Variants in FAM184A observed in about 807,000 individuals in gnomAD.
FAM184A encodes the protein protein FAM184A.
A neutral mutation model predicts 143.8 loss-of-function variants in FAM184A; 99 were observed. The ratio of observed to expected loss-of-function variants is 0.69; its 90% confidence interval spans 0.58 to 0.81. The LOEUF (loss-of-function observed/expected upper bound fraction) is 0.81, where lower values mean the gene tolerates loss of function less well. Ranked by LOEUF, FAM184A falls within the 40% of genes least tolerant of loss-of-function variation. The pLI, the probability that FAM184A is intolerant of heterozygous loss-of-function variation, is 0.00. For synonymous variants in FAM184A, 427 were observed against 446.4 expected, an observed-to-expected ratio of 0.96 and a Z score of 0.55; for missense variants, 1,217 against 1,310.5, an observed-to-expected ratio of 0.93 and a Z score of 1.10.
rs61476918 is a variant in FAM184A, at chr6:118,991,751, C to CT, written c.2088+11147dup. Among the ~76,000 whole-genome samples, 379 of 42,378 alleles carry CT rather than the reference C, an allele frequency of 8.9e-3. 79 individuals carry two copies. The highest frequency in any genetic ancestry group is 0.035 in the African/African-American group (352 of 9,988). The allele number at this position is 42,378 out of a possible 152,430, so 27.8% of individuals were successfully genotyped here. ...ATTCAATGGGGTGCCCCTGAGAGGA[C>CT]TTTTTTTTTTTTTTTTTTTTTTTTT... On this transcript the variant is annotated intron_variant, in intron 9 of 17. Coordinates refer to ENST00000338891, the MANE Select transcript of FAM184A (RefSeq NM_024581.6).
chr6:119,026,079 C>T (rs896572301), intron 1 of FAM184A, among the ~76,000 whole-genome samples: 1 of 152,110 alleles, frequency 6.6e-6, no homozygotes, highest in Non-Finnish European at 1.5e-5. Context: ...TCACTTTCTC[C>T]ACATAGGGCT....
In FAM184A at chr6:119,014,684, A is replaced by G. The variant is rs530721529; in HGVS notation, c.1530+2063T>C. Among the ~76,000 whole-genome samples, 14 of 152,336 alleles carry G rather than the reference A, an allele frequency of 9.2e-5. No individual in the cohort carries two copies. The East Asian group carries it at 9.6e-4, about 10-fold the overall frequency. ...ATGTCTTAAATAAATTCAATAAGCT[A>G]TATCTCATTTCAAGAACTACCAGGT... is the stretch of plus-strand genomic sequence containing the variant. On this transcript the variant is annotated intron_variant, in intron 5 of 17. Transcript: ENST00000338891.
chr6:118,964,279 G>C lies in FAM184A; in HGVS notation c.3138+388C>G, dbSNP rs150995950. 6.3e-3 allele frequency among the ~76,000 whole-genome samples: 953 copies of C among 152,282 alleles called. 7 individuals carry two copies. Among genetic ancestry groups the C allele is most frequent in the African/African-American group, 0.021 (888 of 41,560 alleles). On this transcript the variant is annotated intron_variant, in intron 16 of 17. Coordinates refer to ENST00000338891, the MANE Select transcript of FAM184A (RefSeq NM_024581.6). ...ACATGTCCAACCCAAGGTCCATTAAGATGTTAGGCCTTAAACCAGGAACAG... is the reference window on the plus strand; with the variant it reads ...ACATGTCCAACCCAAGGTCCATTAACATGTTAGGCCTTAAACCAGGAACAG...
chr6:118,979,954 G>A (rs982635810), intron 10 of FAM184A, among the ~76,000 whole-genome samples, 184 bp downstream of exon 10: 2 of 152,126 alleles, frequency 1.3e-5, no homozygotes, highest in East Asian at 1.9e-4. Context: ...GGAGGCTGAG[G>A]TGGAAAAATC....
At chr6:118,976,457 G>A (rs1020067349) in intron 11 of FAM184A, among the ~76,000 whole-genome samples, 2 of 152,056 alleles carry the variant, frequency 1.3e-5, no homozygotes, top group Non-Finnish European at 2.9e-5. Context: ...GAGGTCAGGA[G>A]TTCGAGACCA....
chr6:119,080,484 AT>A (rs144697116), upstream of FAM184A, among the ~76,000 whole-genome samples: 2,706 of 152,304 alleles, frequency 0.018, 34 homozygotes, highest in South Asian at 0.045. Context: ...TGAATTTAAT[AT>A]TTTTCCCCAC....
chr6:119,136,255 G>C (rs908267320), intron 1 of FAM184A, among the ~76,000 whole-genome samples: 4 of 140,448 alleles, frequency 2.8e-5, no homozygotes, highest in African/African-American at 1.1e-4. Flanking sequence ...TCCGCAGTCC[G>C]GCCTGGGCGA....
At chr6:119,090,625 T>C (rs1439795621) in intron 1 of FAM184A, among the ~76,000 whole-genome samples, 1 of 152,246 alleles carries the variant, frequency 6.6e-6, no homozygotes, top group African/African-American at 2.4e-5. Context: ...AGCTAGCTTC[T>C]GATTGTTAAA....
intron 1 of FAM184A, among the ~76,000 whole-genome samples, chr6:119,048,268 A>G (rs1484098622): frequency 6.6e-6 from 1 of 152,216 alleles, no homozygotes; most frequent in Non-Finnish European, 1.5e-5. Flanking sequence ...CCCACAGCCA[A>G]CATCATACTG....
intron 1 of FAM184A, among the ~76,000 whole-genome samples, chr6:119,065,362 G>A (rs1787408292): frequency 2.0e-5 from 3 of 152,116 alleles, no homozygotes; most frequent in Admixed American, 2.0e-4. Context: ...CTATCGCCCT[G>A]GCCAGCAGCT....
chr6:118,973,049 A>G (rs147379245), intron 14 of FAM184A, among the ~76,000 whole-genome samples: 1 of 152,188 alleles, frequency 6.6e-6, no homozygotes, highest in Non-Finnish European at 1.5e-5. Flanking sequence ...TTCAAAGGCA[A>G]CTTCAAAAAG....
At chr6:119,058,932 A>G (rs1403352452) in intron 1 of FAM184A, among the ~76,000 whole-genome samples, 1 of 151,986 alleles carries the variant, frequency 6.6e-6, no homozygotes, top group Admixed American at 6.6e-5. Flanking sequence ...TTGTAACCAT[A>G]ATATAATGGT....
chr6:119,036,778 CAT>C (rs772588387), intron 1 of FAM184A, among the ~76,000 whole-genome samples: 6 of 152,118 alleles, frequency 3.9e-5, no homozygotes, highest in Non-Finnish European at 7.4e-5. Context: ...CAAAATAAAA[CAT>C]ATTTTTATTT....
chr6:118,998,583 AG>A (rs1213384365), intron 9 of FAM184A, among the ~76,000 whole-genome samples: 1 of 152,260 alleles, frequency 6.6e-6, no homozygotes, highest in Non-Finnish European at 1.5e-5. Flanking sequence ...AAGTAAGTAA[AG>A]AAAGCTCTTT....
chr6:119,085,960 G>A (rs1308313194), intron 1 of FAM184A, among the ~76,000 whole-genome samples: 2 of 151,994 alleles, frequency 1.3e-5, no homozygotes, highest in African/African-American at 2.4e-5. Context: ...AGCACCAAGG[G>A]GATGGTGCTA....
In FAM184A at chr6:118,974,581, G is replaced by T. The variant is rs770690993; in HGVS notation, c.2769-7C>A. ...TAAATCTTGTTCATGCAACCTGTTTGATTTATTTTTAGTTAAGAAAATGTT... is the reference window on the plus strand; with the variant it reads ...TAAATCTTGTTCATGCAACCTGTTTTATTTATTTTTAGTTAAGAAAATGTT... On this transcript the variant is annotated splice_region_variant and splice_polypyrimidine_tract_variant and intron_variant, in intron 13 of 17. Transcript: ENST00000338891. 3 of 1,581,206 alleles carry T rather than the reference G, an allele frequency of 1.9e-6. No individual in the cohort carries two copies. Among genetic ancestry groups the T allele is most frequent in the South Asian group, 1.2e-5 (1 of 83,406 alleles).
intron 1 of FAM184A, among the ~76,000 whole-genome samples, chr6:119,045,414 G>A (rs966161222): frequency 2.0e-5 from 3 of 151,298 alleles, no homozygotes; most frequent in African/African-American, 7.3e-5. Flanking sequence ...TACCCGATGT[G>A]CAGATGACAT....
chr6:119,019,774 G>C (rs1016151999), intron 4 of FAM184A, among the ~76,000 whole-genome samples: 1 of 152,140 alleles, frequency 6.6e-6, no homozygotes, highest in African/African-American at 2.4e-5. Context: ...TATATAGATT[G>C]TTACCCACAT....
chr6:119,136,704 A>G (rs1218014216), intron 1 of FAM184A, among the ~76,000 whole-genome samples: 1 of 152,266 alleles, frequency 6.6e-6, no homozygotes, highest in East Asian at 1.9e-4. Flanking sequence ...CTATCATGAA[A>G]ATAAACTCGC....
Sources: allele counts gnomAD v4.1 joint callset (sites outside exome capture counted in the v4.1 genomes callset), GRCh38; gene constraint gnomAD v4.1.1; transcripts MANE v1.5; gene names NCBI Gene and HGNC (gene_info 2026-07-23, HGNC 2026-07-21).